The following SLC25A48 variants were observed in gnomAD, a reference collection of about 807,000 sequenced individuals.
The protein encoded by SLC25A48 is solute carrier family 25 member 48.
Under a neutral mutation model 32.2 loss-of-function variants are expected in SLC25A48, and 29 were observed. That is an observed-to-expected ratio of 0.90 (90% CI 0.67 to 1.23). The LOEUF is 1.23. Ranked by LOEUF, SLC25A48 falls within the 50% of genes most tolerant of loss-of-function variation. The pLI, the probability that SLC25A48 is intolerant of heterozygous loss-of-function variation, is 0.00. For synonymous variants in SLC25A48, 164 were observed against 172.3 expected (o/e 0.95, Z 0.38); for missense variants, 399 against 422.7 (o/e 0.94, Z 0.49).
At chr5:135,794,356 C>A (rs1307865740) in intron 3 of SLC25A48, among the ~76,000 whole-genome samples, 1 of 151,542 alleles carries the variant, frequency 6.6e-6, no homozygotes, top group Non-Finnish European at 1.5e-5. Context: ...GAGTTGTGCA[C>A]CCCTTTGTGA....
chr5:135,775,993 G>T (rs1027012529), intron 3 of SLC25A48, among the ~76,000 whole-genome samples: 42 of 151,666 alleles, frequency 2.8e-4, no homozygotes, highest in Admixed American at 1.9e-3. Context: ...ATCACAGGGG[G>T]TTTACACCCT....
chr5:135,823,935 T>C (rs1037222847), intron 4 of SLC25A48, among the ~76,000 whole-genome samples: 1 of 152,116 alleles, frequency 6.6e-6, no homozygotes, highest in Admixed American at 6.5e-5. Flanking sequence ...GAAGGGAATA[T>C]GAGTTGGACT....
At chr5:135,877,323 C>T (rs1172326245) in intron 6 of SLC25A48, among the ~76,000 whole-genome samples, 1 of 152,056 alleles carries the variant, frequency 6.6e-6, no homozygotes, top group African/African-American at 2.4e-5. Flanking sequence ...GAAGCAGCTG[C>T]TGTGGAGGGG....
intron 2 of SLC25A48, among the ~76,000 whole-genome samples, chr5:135,847,188 C>T (rs897951968): frequency 1.3e-5 from 2 of 152,214 alleles, no homozygotes; most frequent in Non-Finnish European, 2.9e-5. Context: ...ACCAAGCTCT[C>T]TTCTCTCTTG....
rs77356907 is a variant in SLC25A48, at chr5:135,715,313, A to G, written c.-521+80357A>G. 4.8e-4 allele frequency among the ~76,000 whole-genome samples: 73 copies of G among 152,314 alleles called. 2 individuals carry two copies. In the East Asian group the frequency reaches 0.014, roughly 28 times the overall value. Reference sequence around the variant, plus strand: ...TTCCCTGCATAAGCTGTGAGTCACTATAGCAGGGGATGAAGTGAGTGGGGA... The same window carrying G: ...TTCCCTGCATAAGCTGTGAGTCACTGTAGCAGGGGATGAAGTGAGTGGGGA... On this transcript the variant is annotated intron_variant, in intron 3 of 10. Transcript: ENST00000646290.
In SLC25A48 at chr5:135,629,779, G is replaced by A. The variant is rs1405355481; in HGVS notation, c.-709+403G>A. ...GTGGAGGGTTGCTCTCAGTGGTAGG[G>A]CATGTTAACTCTCCAGCACTTCTGG... On this transcript the variant is annotated intron_variant, in intron 2 of 10. Coordinates refer to the SLC25A48 transcript ENST00000646290. This position sits in a 1 kb window ranked among gnomAD's most constrained non-coding sequence, Gnocchi z 4.8. 6.6e-6 allele frequency among the ~76,000 whole-genome samples: 1 copy of A among 152,170 alleles called. No homozygotes were observed. The highest frequency in any genetic ancestry group is 1.5e-5 in the Non-Finnish European group (1 of 68,014).
chr5:135,728,128 C>T lies in SLC25A48; in HGVS notation c.-520-84395C>T, dbSNP rs547262872. Among the ~76,000 whole-genome samples the T allele has an allele frequency of 7.3e-4, 111 of 151,882 alleles. 1 individual carries two copies. Among genetic ancestry groups the T allele is most frequent in the Non-Finnish European group, 1.2e-3 (84 of 67,946 alleles). On this transcript the variant is annotated intron_variant, in intron 3 of 10. Transcript: ENST00000646290. Reference sequence around the variant, plus strand: ...ACAATTAGCTGGGCATGGTGGTGGGCGCCTGTAGTCCTAGCTACTCAGGAG... The same window carrying T: ...ACAATTAGCTGGGCATGGTGGTGGGTGCCTGTAGTCCTAGCTACTCAGGAG...
At chr5:135,602,192 G>C (rs375402370) in intron 1 of SLC25A48, among the ~76,000 whole-genome samples, 13 of 152,204 alleles carry the variant, frequency 8.5e-5, no homozygotes, top group Non-Finnish European at 1.8e-4. Context: ...GTTTGGATTC[G>C]TATATGCTTG....
rs184083239 is a variant in SLC25A48 at position 135,834,772 on chromosome 5, G to A, written c.-76G>A. 4.0e-4 allele frequency: 580 copies of A among 1,453,012 alleles called. 6 individuals carry two copies. In the African/African-American group the frequency reaches 7.6e-3, roughly 19 times the overall value. The allele number at this position is 1,453,012 out of a possible 1,614,324, so 90.0% of individuals were successfully genotyped here. A position where few individuals can be genotyped will look rare whatever the true frequency, so the allele number is the denominator to read the frequency against. On this transcript the variant is annotated 5_prime_UTR_variant, in exon 1 of 8. Coordinates refer to ENST00000681962, the MANE Select transcript of SLC25A48 (RefSeq NM_001349336.2). ...CCGACTTCGGTCTTGCGGCGCGCTC[G>A]CGCCCGCGGGCCATGCCCCACTGAC...
intron 3 of SLC25A48, among the ~76,000 whole-genome samples, chr5:135,793,281 G>T (rs1055033036): frequency 6.7e-6 from 1 of 148,348 alleles, no homozygotes; most frequent in Non-Finnish European, 1.5e-5. Flanking sequence ...CAATATTTGT[G>T]TACCACCTGG....
intron 3 of SLC25A48, among the ~76,000 whole-genome samples, chr5:135,778,653 G>A (rs368876432): frequency 1.3e-5 from 2 of 148,720 alleles, no homozygotes; most frequent in South Asian, 2.2e-4. Context: ...GTGAGAGAGG[G>A]TGACATTGCT....
At chr5:135,594,549 G>A (rs548610337) in intron 1 of SLC25A48, among the ~76,000 whole-genome samples, 54 of 152,322 alleles carry the variant, frequency 3.5e-4, no homozygotes, top group African/African-American at 1.3e-3. Context: ...TGTGAAGATT[G>A]CATCAGACTT....
chr5:135,583,920 A>AC (rs1477594895), intron 1 of SLC25A48, among the ~76,000 whole-genome samples: 1 of 151,678 alleles, frequency 6.6e-6, no homozygotes, highest in Non-Finnish European at 1.5e-5. Context: ...CTGCATGCTG[A>AC]CCCCTTCCCT....
At chr5:135,872,087 C>G in intron 5 of SLC25A48, 1 of 1,045,088 alleles carries the variant, frequency 9.6e-7, no homozygotes, top group Non-Finnish European at 1.2e-6. Context: ...ATCGGTTTCC[C>G]CATTTCACAG....
intron 1 of SLC25A48, among the ~76,000 whole-genome samples, chr5:135,607,234 G>A (rs947645263): frequency 1.3e-5 from 2 of 152,174 alleles, no homozygotes; most frequent in Non-Finnish European, 2.9e-5. Flanking sequence ...TGCTGCCCTT[G>A]AATTATCAAT....
chr5:135,871,060 GACACACACACACACACAC>G (rs10569008), intron 4 of SLC25A48, among the ~76,000 whole-genome samples: 3,796 of 137,662 alleles, frequency 0.028, 185 homozygotes, highest in African/African-American at 0.094. Flanking sequence ...TGTGTACACA[GACACACACACACACACAC>G]ACACACACAC....
intron 7 of SLC25A48, among the ~76,000 whole-genome samples, chr5:135,886,541 A>G (rs1330367296): frequency 7.1e-6 from 1 of 140,712 alleles, no homozygotes; most frequent in Non-Finnish European, 1.6e-5. Context: ...TTGGGCCAAC[A>G]GCTTGTGAGT....
At chr5:135,750,840 T>C (rs900485761) in intron 3 of SLC25A48, among the ~76,000 whole-genome samples, 1 of 152,154 alleles carries the variant, frequency 6.6e-6, no homozygotes, top group African/African-American at 2.4e-5. Flanking sequence ...ATGTGACTTA[T>C]TTTAGCAAAT....
chr5:135,748,805 G>A (rs4478314), intron 3 of SLC25A48, among the ~76,000 whole-genome samples: 6,424 of 148,336 alleles, frequency 0.043, 276 homozygotes, highest in African/African-American at 0.11. Context: ...TGCAACCTCC[G>A]CCTCCCAGGT....
Sources: gnomAD v4.1 joint callset for allele counts (sites outside exome capture counted in the v4.1 genomes callset) on GRCh38, gnomAD v4.1.1 for gene constraint, Gnocchi (gnomAD v3.1) non-coding constraint, MANE v1.5 for transcripts, NCBI Gene and HGNC (gene_info 2026-07-23, HGNC 2026-07-21) for gene names.